Variants in DGKB observed in about 807,000 individuals in gnomAD.
DGKB encodes 90 kDa diacylglycerol kinase.
Under a neutral mutation model 114.3 loss-of-function variants are expected in DGKB, and 67 were observed. That is an observed-to-expected ratio of 0.59 (90% CI 0.48 to 0.72). DGKB has a LOEUF of 0.72. Ranked by LOEUF, DGKB falls within the 30% of genes least tolerant of loss-of-function variation. The probability of loss-of-function intolerance (pLI) is 0.00; values close to 1 mark genes in which losing one functional copy is unlikely to be tolerated. For synonymous variants in DGKB, 398 were observed against 323.1 expected, an observed-to-expected ratio of 1.23 and a Z score of -2.49; for missense variants, 907 against 975.2, an observed-to-expected ratio of 0.93 and a Z score of 0.93.
rs566276580 is a variant in DGKB at position 14,769,098 on chromosome 7, A to C, written c.71-11367T>G. On this transcript the variant is annotated intron_variant, in intron 2 of 25. Coordinates refer to ENST00000402815, the MANE Select transcript of DGKB (RefSeq NM_001350709.2). ...GAAAGAAAGAAAGAAAGAAAGAAAG[A>C]AAGAAAGAAAGAAAGAAAGAAAGAA... is the stretch of plus-strand genomic sequence containing the variant. 3.8e-5 allele frequency among the ~76,000 whole-genome samples: 5 copies of C among 132,040 alleles called. No individual in the cohort carries two copies. The East Asian group carries it at 8.8e-4, about 23-fold the overall frequency. The allele number at this position is 132,040 out of a possible 152,430, so 86.6% of individuals were successfully genotyped here. A position where few individuals can be genotyped will look rare whatever the true frequency, so the allele number is the denominator to read the frequency against.
At chr7:14,281,829 A>G (rs992813068) in intron 23 of DGKB, among the ~76,000 whole-genome samples, 2 of 148,638 alleles carry the variant, frequency 1.3e-5, no homozygotes, top group African/African-American at 4.9e-5. Flanking sequence ...CAAAGACACA[A>G]CATACCAGAA....
chr7:14,603,489 T>C (rs1803945008), intron 17 of DGKB, among the ~76,000 whole-genome samples: 1 of 152,122 alleles, frequency 6.6e-6, no homozygotes, highest in South Asian at 2.1e-4. Flanking sequence ...GAAATTTGGT[T>C]ATATAAAATG....
At chr7:14,739,912 A>C (rs1832309692) in intron 4 of DGKB, among the ~76,000 whole-genome samples, 1 of 152,200 alleles carries the variant, frequency 6.6e-6, no homozygotes, top group Admixed American at 6.5e-5. Flanking sequence ...ATAGATGCGG[A>C]AGTGGTGGCT....
At chr7:14,462,057 C>A (rs1331628357) in intron 21 of DGKB, among the ~76,000 whole-genome samples, 1 of 152,098 alleles carries the variant, frequency 6.6e-6, no homozygotes, top group Non-Finnish European at 1.5e-5. Flanking sequence ...ATTCAACAGC[C>A]CTTCACGCTA....
chr7:14,305,005 A>T (rs547400325), intron 23 of DGKB, among the ~76,000 whole-genome samples: 1 of 152,276 alleles, frequency 6.6e-6, no homozygotes, highest in East Asian at 1.9e-4. Flanking sequence ...TAAAAAATTA[A>T]TAAATAATAG....
At chr7:14,554,665 A>G (rs1478176594) in intron 20 of DGKB, among the ~76,000 whole-genome samples, 2 of 152,188 alleles carry the variant, frequency 1.3e-5, no homozygotes, top group Non-Finnish European at 2.9e-5. Flanking sequence ...CATGTCAATA[A>G]GTATGACAGC....
At chr7:14,704,585 G>A (rs911123978) in intron 6 of DGKB, among the ~76,000 whole-genome samples, 1 of 151,924 alleles carries the variant, frequency 6.6e-6, no homozygotes, top group African/African-American at 2.4e-5. Flanking sequence ...GAGCTTTGAA[G>A]GGAGCAGTGG....
intron 20 of DGKB, among the ~76,000 whole-genome samples, chr7:14,543,504 C>G (rs1793813285): frequency 6.6e-6 from 1 of 152,022 alleles, no homozygotes; most frequent in African/African-American, 2.4e-5. Flanking sequence ...GTTAGAAGTT[C>G]TATCTGAAAG....
At chr7:14,954,472 T>C (rs1786386422) in intron 1 of DGKB, among the ~76,000 whole-genome samples, 1 of 152,056 alleles carries the variant, frequency 6.6e-6, no homozygotes, top group African/African-American at 2.4e-5. Context: ...TTCAGCAGTA[T>C]AGTGATTTGA....
intron 23 of DGKB, among the ~76,000 whole-genome samples, chr7:14,218,932 C>T (rs888705215): frequency 5.9e-5 from 9 of 151,898 alleles, no homozygotes; most frequent in African/African-American, 2.2e-4. Context: ...CTCTCACCCT[C>T]AGTCCACTAT....
At chr7:14,905,953 C>T (rs1164761432), upstream of DGKB, among the ~76,000 whole-genome samples, 2 of 152,148 alleles carry the variant, frequency 1.3e-5, no homozygotes, top group Admixed American at 6.5e-5. Context: ...AAGGATGTGA[C>T]TCACTTCTCA....
chr7:14,307,106 A>C lies in DGKB; in HGVS notation c.2122+31409T>G, dbSNP rs190156037. 2.9e-4 allele frequency among the ~76,000 whole-genome samples: 44 copies of C among 152,266 alleles called. No homozygotes were observed. In the East Asian group the frequency reaches 6.2e-3, roughly 21 times the overall value. On this transcript the variant is annotated intron_variant, in intron 23 of 25. Coordinates refer to ENST00000402815, the MANE Select transcript of DGKB (RefSeq NM_001350709.2). ...TTCTTTTCCACCTTATTTCTATTTG[A>C]ATCTACCACATTTCTTGGCATATAA... is the stretch of plus-strand genomic sequence containing the variant.
chr7:14,906,285 A>G (rs182472100), upstream of DGKB, among the ~76,000 whole-genome samples: 7 of 152,112 alleles, frequency 4.6e-5, no homozygotes, highest in East Asian at 9.7e-4. Flanking sequence ...TGTTGGCCTT[A>G]TATCAAGGAT....
intron 20 of DGKB, among the ~76,000 whole-genome samples, chr7:14,528,046 C>A (rs781326921): frequency 4.9e-4 from 75 of 151,964 alleles, no homozygotes; most frequent in Middle Eastern, 3.2e-3. Flanking sequence ...GAAATAAATA[C>A]CTTAGAGAAA....
intron 2 of DGKB, among the ~76,000 whole-genome samples, chr7:14,838,658 GC>G (rs1847493269): frequency 6.6e-6 from 1 of 151,978 alleles, no homozygotes; most frequent in Non-Finnish European, 1.5e-5. Context: ...TCTACGTTAT[GC>G]AGTCTACACC....
intron 13 of DGKB, among the ~76,000 whole-genome samples, chr7:14,632,961 G>C (rs1369725566): frequency 6.6e-6 from 1 of 151,838 alleles, no homozygotes; most frequent in Non-Finnish European, 1.5e-5. Context: ...AGGTAAAACA[G>C]GTCCGATGTT....
chr7:14,512,117 C>T (rs1204436088), intron 20 of DGKB, among the ~76,000 whole-genome samples: 2 of 152,068 alleles, frequency 1.3e-5, no homozygotes, highest in Non-Finnish European at 2.9e-5. Flanking sequence ...GATAGATTTG[C>T]TCAAAATAGG....
intron 20 of DGKB, among the ~76,000 whole-genome samples, chr7:14,546,074 T>C (rs1192920550): frequency 6.6e-6 from 1 of 152,214 alleles, no homozygotes; most frequent in Non-Finnish European, 1.5e-5. Context: ...ATCTGGTTTT[T>C]CTTCTAATGA....
chr7:14,406,983 T>C (rs1824040979), intron 21 of DGKB, among the ~76,000 whole-genome samples: 1 of 152,058 alleles, frequency 6.6e-6, no homozygotes, highest in African/African-American at 2.4e-5. Flanking sequence ...GATAATTTAG[T>C]CCAAGAAGAT....
Sources: gnomAD v4.1 joint callset for allele counts (sites outside exome capture counted in the v4.1 genomes callset) on GRCh38, gnomAD v4.1.1 for gene constraint, MANE v1.5 for transcripts, NCBI Gene and HGNC (gene_info 2026-07-23, HGNC 2026-07-21) for gene names.